The following ADGRL3 variants were observed in gnomAD, a reference collection of about 807,000 sequenced individuals.
ADGRL3 encodes calcium-independent alpha-latrotoxin receptor 3.
ADGRL3 carries 62 observed loss-of-function variants against 153.5 expected under a neutral mutation model. That is an observed-to-expected ratio of 0.40 (90% CI 0.33 to 0.50). ADGRL3 has a LOEUF of 0.50. Among genes scored for constraint, ADGRL3 ranks in the 20% least tolerant of loss-of-function variants. ADGRL3 has a pLI of 0.47. For missense variants in ADGRL3, 1,641 were observed against 1,859.4 expected, an observed-to-expected ratio of 0.88 and a Z score of 2.16; for synonymous variants, 710 against 672.5, an observed-to-expected ratio of 1.06 and a Z score of -0.86.
intron 1 of ADGRL3, among the ~76,000 whole-genome samples, chr4:61,357,248 T>C (rs2096192210): frequency 6.6e-6 from 1 of 152,104 alleles, no homozygotes; most frequent in Non-Finnish European, 1.5e-5. Flanking sequence ...GATTCACATA[T>C]GATGTTAATT....
intron 1 of ADGRL3, among the ~76,000 whole-genome samples, chr4:61,308,114 C>G (rs2094865506): frequency 1.3e-5 from 2 of 152,152 alleles, no homozygotes; most frequent in Non-Finnish European, 2.9e-5. Context: ...TGCTTATGAG[C>G]ATGCAGACCT....
At chr4:61,220,100 A>G (rs1744754641) in intron 1 of ADGRL3, among the ~76,000 whole-genome samples, 1 of 125,388 alleles carries the variant, frequency 8.0e-6, no homozygotes, top group Admixed American at 8.9e-5. Context: ...CGACAAGAGC[A>G]AAAATCTGTC....
intron 1 of ADGRL3, among the ~76,000 whole-genome samples, chr4:61,282,688 T>C (rs1196807735): frequency 6.6e-6 from 1 of 151,982 alleles, no homozygotes; most frequent in African/African-American, 2.4e-5. Flanking sequence ...TACAAATCTT[T>C]TTATCTTGTT....
chr4:61,206,440 G>A (rs556606089), intron 1 of ADGRL3, among the ~76,000 whole-genome samples: 99 of 152,176 alleles, frequency 6.5e-4, no homozygotes, highest in Middle Eastern at 3.4e-3. Flanking sequence ...GGGAACCCTG[G>A]GGATCTCTGA....
chr4:61,326,335 T>C (rs1272010046), intron 1 of ADGRL3, among the ~76,000 whole-genome samples: 3 of 152,124 alleles, frequency 2.0e-5, no homozygotes, highest in Admixed American at 1.3e-4. Context: ...AGGAGATTCC[T>C]GACCATTTTC....
At chr4:61,772,616 G>C (rs2097099855) in intron 8 of ADGRL3, among the ~76,000 whole-genome samples, 1 of 152,128 alleles carries the variant, frequency 6.6e-6, no homozygotes, top group Admixed American at 6.6e-5. Context: ...GCAAAGTATG[G>C]GTTAAGTGAA....
intron 8 of ADGRL3, among the ~76,000 whole-genome samples, chr4:61,766,264 T>C (rs1253358674): frequency 2.0e-5 from 3 of 152,034 alleles, no homozygotes; most frequent in Non-Finnish European, 4.4e-5. Flanking sequence ...GCAGAAAGTA[T>C]ATGCATCAGG....
At chr4:62,040,531 G>T (rs1406621926) in intron 24 of ADGRL3, among the ~76,000 whole-genome samples, 1 of 151,976 alleles carries the variant, frequency 6.6e-6, no homozygotes, top group East Asian at 1.9e-4. Context: ...AAAATTTGGG[G>T]AGTATGGATG....
chr4:61,758,203 A>T (rs1441930910), intron 8 of ADGRL3, among the ~76,000 whole-genome samples: 1 of 152,050 alleles, frequency 6.6e-6, no homozygotes, highest in Non-Finnish European at 1.5e-5. Flanking sequence ...TCCCTGGACA[A>T]TCCCTGGATA....
chr4:61,892,805 G>T lies in ADGRL3; in HGVS notation c.1630G>T (p.Val544Leu), dbSNP rs1162053394. Residue 544 changes from valine to leucine, a missense_variant, in exon 10 of 27, where the codon GTA becomes TTA. By Grantham distance (32) the Val-to-Leu change is conservative. This residue lies in a region of ADGRL3 where 734 missense variants were observed against 797.0 expected (regional missense o/e 0.92). Coordinates refer to ENST00000683033, the MANE Select transcript of ADGRL3 (RefSeq NM_001387552.1). ...STSTPSPAVE[V>L]LDDMTTHLPS... Reference sequence around the variant, plus strand: ...TAGTACCCCATCTCCAGCTGTCGAGGTACTTGATGACATGACCACACACCT... The same window carrying T: ...TAGTACCCCATCTCCAGCTGTCGAGTTACTTGATGACATGACCACACACCT... 6.2e-7 allele frequency: 1 copy of T among 1,613,804 alleles called. No homozygotes were observed. Among genetic ancestry groups the T allele is most frequent in the Admixed American group, 1.7e-5 (1 of 60,004 alleles).
At chr4:61,716,462 A>T (rs1007656587) in intron 6 of ADGRL3, among the ~76,000 whole-genome samples, 1 of 152,144 alleles carries the variant, frequency 6.6e-6, no homozygotes, top group Non-Finnish European at 1.5e-5. Context: ...GAAAGTGAAC[A>T]TCAGTAAACT....
At chr4:61,754,025 C>T (rs545068518) in intron 8 of ADGRL3, among the ~76,000 whole-genome samples, 10 of 152,240 alleles carry the variant, frequency 6.6e-5, no homozygotes, top group South Asian at 4.1e-4. Context: ...CTGAGCCTGC[C>T]GGGAAGTGAC....
rs546401592 is a variant in ADGRL3, at chr4:61,756,953, T to A, written c.1399+23399T>A. Among the ~76,000 whole-genome samples, 323 of 152,300 alleles carry A rather than the reference T, an allele frequency of 2.1e-3. 2 individuals carry two copies. Among genetic ancestry groups the A allele is most frequent in the African/African-American group, 7.3e-3 (303 of 41,564 alleles). Reference sequence around the variant, plus strand: ...ATTTGCATATGTTAAACCAGACTTGTATCCCAGGGATGAAGCCCACTTGAT... The same window carrying A: ...ATTTGCATATGTTAAACCAGACTTGAATCCCAGGGATGAAGCCCACTTGAT... On this transcript the variant is annotated intron_variant, in intron 8 of 26. Coordinates refer to ENST00000683033, the MANE Select transcript of ADGRL3 (RefSeq NM_001387552.1).
chr4:61,598,358 A>G (rs1174327567), intron 5 of ADGRL3, among the ~76,000 whole-genome samples: 2 of 152,314 alleles, frequency 1.3e-5, no homozygotes, highest in South Asian at 2.1e-4. Flanking sequence ...AATGTTACAC[A>G]TGAGTGAACG....
At chr4:62,025,835 G>A (rs1410159180) in intron 21 of ADGRL3, among the ~76,000 whole-genome samples, 2 of 152,078 alleles carry the variant, frequency 1.3e-5, no homozygotes, top group Non-Finnish European at 2.9e-5. Flanking sequence ...CATACAACCT[G>A]TAACGGTATT....
intron 1 of ADGRL3, among the ~76,000 whole-genome samples, chr4:61,297,282 C>G (rs574443352): frequency 6.6e-6 from 1 of 152,004 alleles, no homozygotes; most frequent in East Asian, 1.9e-4. Context: ...AAAAGAAAAC[C>G]TTTTTGGGGG....
At chr4:61,436,080 T>C (rs2097442353) in intron 2 of ADGRL3, among the ~76,000 whole-genome samples, 1 of 152,206 alleles carries the variant, frequency 6.6e-6, no homozygotes, top group Non-Finnish European at 1.5e-5. Context: ...ACAAAACCAT[T>C]TAAAAACAGT....
At chr4:61,839,752 A>G (rs112834099) in intron 9 of ADGRL3, among the ~76,000 whole-genome samples, 1 of 151,798 alleles carries the variant, frequency 6.6e-6, no homozygotes, top group African/African-American at 2.4e-5. Context: ...TGGTCAACAT[A>G]GTGAGACCCT....
intron 8 of ADGRL3, among the ~76,000 whole-genome samples, chr4:61,757,986 C>G (rs994682271): frequency 1.3e-5 from 2 of 152,116 alleles, no homozygotes; most frequent in Admixed American, 6.5e-5. Flanking sequence ...GTCTGAGAGA[C>G]AGTTAGTTAT....
Sources: allele counts gnomAD v4.1 joint callset (sites outside exome capture counted in the v4.1 genomes callset), GRCh38; gene constraint gnomAD v4.1.1; regional missense constraint gnomAD v4.1.1; transcripts MANE v1.5; gene names NCBI Gene and HGNC (gene_info 2026-07-23, HGNC 2026-07-21).